Variants in GABRG3 observed in about 807,000 individuals in gnomAD.
GABRG3 encodes the protein gamma-aminobutyric acid receptor subunit gamma-3.
Under a neutral mutation model 48.8 loss-of-function variants are expected in GABRG3, and 25 were observed. The observed-to-expected ratio is 0.51, with a 90% CI of 0.37 to 0.72. The LOEUF is 0.72. Among genes scored for constraint, GABRG3 ranks in the 30% least tolerant of loss-of-function variants. GABRG3 has a pLI of 0.00. For missense variants in GABRG3, 394 were observed against 577.9 expected (o/e 0.68, Z 3.26); for synonymous variants, 227 against 217.6 (o/e 1.04, Z -0.38).
intron 6 of GABRG3, among the ~76,000 whole-genome samples, chr15:27,518,376 A>AAAAG (rs1420231887): frequency 6.6e-6 from 1 of 151,578 alleles, no homozygotes; most frequent in Non-Finnish European, 1.5e-5. Context: ...TCTCAAAAAA[A>AAAAG]AAAAAATGGG....
At chr15:27,513,292 A>T (rs1438953125) in intron 6 of GABRG3, among the ~76,000 whole-genome samples, 2 of 152,028 alleles carry the variant, frequency 1.3e-5, no homozygotes, top group East Asian at 1.9e-4. Context: ...CTAAAAAAAT[A>T]CAAAAACATT....
intron 5 of GABRG3, chr15:27,350,080 T>TAA: frequency 2.2e-6 from 1 of 456,022 alleles, no homozygotes; most frequent in Non-Finnish European, 4.4e-6. Flanking sequence ...CTAATTTAGA[T>TAA]AAATTGTCAC....
intron 6 of GABRG3, chr15:27,481,330 C>A: frequency 1.2e-6 from 1 of 849,682 alleles, no homozygotes; most frequent in Non-Finnish European, 1.4e-6. Context: ...AGTTGTTCTG[C>A]CTATGAATAT....
At chr15:27,099,516 C>T (rs1897320794) in intron 3 of GABRG3, among the ~76,000 whole-genome samples, 1 of 152,028 alleles carries the variant, frequency 6.6e-6, no homozygotes, top group Non-Finnish European at 1.5e-5. Context: ...CTGTAATAGC[C>T]TCATTTTAAC....
At chr15:27,317,916 A>T (rs1025231326) in intron 3 of GABRG3, among the ~76,000 whole-genome samples, 1 of 152,068 alleles carries the variant, frequency 6.6e-6, no homozygotes, top group African/African-American at 2.4e-5. Flanking sequence ...TACAGCAAAC[A>T]CTCACTGCAT....
At chr15:27,231,774 G>T (rs931667963) in intron 3 of GABRG3, among the ~76,000 whole-genome samples, 1 of 152,184 alleles carries the variant, frequency 6.6e-6, no homozygotes, top group Non-Finnish European at 1.5e-5. Flanking sequence ...TTGGTAGACA[G>T]AGAATATCTA....
At chr15:27,357,639 C>A (rs749128275) in intron 5 of GABRG3, among the ~76,000 whole-genome samples, 19 of 152,282 alleles carry the variant, frequency 1.2e-4, no homozygotes, top group South Asian at 1.0e-3. Flanking sequence ...TTGCAAATAT[C>A]TTTAATGTCT....
chr15:27,096,176 G>A (rs188973825), intron 3 of GABRG3, among the ~76,000 whole-genome samples: 10 of 152,318 alleles, frequency 6.6e-5, no homozygotes, highest in East Asian at 3.9e-4. Flanking sequence ...TGGTTTCTGC[G>A]TGTCTTTTCT....
intron 3 of GABRG3, among the ~76,000 whole-genome samples, chr15:27,089,372 C>T (rs550991286): frequency 6.6e-6 from 1 of 152,254 alleles, no homozygotes; most frequent in South Asian, 2.1e-4. Context: ...AGGGTGCAGG[C>T]TGCAGTGTCC....
chr15:27,243,203 G>A (rs559811051), intron 3 of GABRG3, among the ~76,000 whole-genome samples: 25 of 152,296 alleles, frequency 1.6e-4, no homozygotes, highest in African/African-American at 5.8e-4. Flanking sequence ...TAAAATGCTA[G>A]GTAAGAGGCA....
At chr15:27,257,215 G>T (rs1566982689) in intron 3 of GABRG3, among the ~76,000 whole-genome samples, 1 of 151,510 alleles carries the variant, frequency 6.6e-6, no homozygotes. Context: ...TTTTTGAGAG[G>T]TGTCTCTTTA....
At chr15:27,041,866 G>A (rs1021116487) in intron 3 of GABRG3, among the ~76,000 whole-genome samples, 1 of 152,128 alleles carries the variant, frequency 6.6e-6, no homozygotes, top group African/African-American at 2.4e-5. Flanking sequence ...TCCTGCAGGG[G>A]GAGGACTTTG....
intron 3 of GABRG3, among the ~76,000 whole-genome samples, chr15:27,167,434 GTCC>G (rs1284861566): frequency 6.6e-6 from 1 of 152,188 alleles, no homozygotes; most frequent in African/African-American, 2.4e-5. Context: ...AAACCAAGAT[GTCC>G]TGGCTGGGCT....
intron 8 of GABRG3, 29 bp from the exon 9 acceptor site, chr15:27,527,904 C>T (rs181835273): frequency 3.0e-5 from 46 of 1,509,812 alleles, no homozygotes; most frequent in Non-Finnish European, 4.2e-5. Context: ...ATGACAGTTT[C>T]CTAGTTATTT....
At chr15:27,531,333 G>A (rs138791045) in intron 9 of GABRG3, among the ~76,000 whole-genome samples, 28 of 152,304 alleles carry the variant, frequency 1.8e-4, no homozygotes, top group South Asian at 1.7e-3. Flanking sequence ...ACCCCTCCCC[G>A]ATTTATGACC....
Position 27,540,287 on chromosome 15 carries a change from A to G in GABRG3, c.*7406A>G, listed in dbSNP as rs1029833853. ...TTTCTCTCTTTTTTTTTCCGTTTTTACCTTAGTTGGCTATTTTATTCCTTT... is the reference window on the plus strand; with the variant it reads ...TTTCTCTCTTTTTTTTTCCGTTTTTGCCTTAGTTGGCTATTTTATTCCTTT... On this transcript the variant is annotated 3_prime_UTR_variant, in exon 10 of 10. Transcript: ENST00000615808. 4.0e-5 allele frequency: 6 copies of G among 151,552 alleles called. No individual in the cohort carries two copies. The highest frequency in any genetic ancestry group is 1.5e-4 in the African/African-American group (6 of 41,222). 9.4% of individuals were successfully genotyped at this position (151,552 alleles called of 1,614,324 possible).
chr15:27,253,142 C>T (rs1038457130), intron 3 of GABRG3, among the ~76,000 whole-genome samples: 2 of 152,204 alleles, frequency 1.3e-5, no homozygotes, highest in Admixed American at 6.5e-5. Flanking sequence ...GCTGCTGGAC[C>T]CACTGCTGGA....
intron 9 of GABRG3, among the ~76,000 whole-genome samples, 189 bp from the exon 10 acceptor site, chr15:27,532,411 C>G (rs1304891465): frequency 7.1e-6 from 1 of 141,148 alleles, no homozygotes; most frequent in Non-Finnish European, 1.5e-5. Context: ...CTATTAAACT[C>G]TCTGCTCCTT....
chr15:27,064,407 C>G (rs1027747261), intron 3 of GABRG3, among the ~76,000 whole-genome samples: 1 of 152,106 alleles, frequency 6.6e-6, no homozygotes, highest in Non-Finnish European at 1.5e-5. Context: ...CGTTTCTGAC[C>G]CTTCTCTTCG....
Sources: allele counts gnomAD v4.1 joint callset (sites outside exome capture counted in the v4.1 genomes callset), GRCh38; gene constraint gnomAD v4.1.1; transcripts MANE v1.5; gene names NCBI Gene and HGNC (gene_info 2026-07-23, HGNC 2026-07-21).